The following GPS2 variants were observed in gnomAD, a reference collection of about 807,000 sequenced individuals.
GPS2 encodes G protein pathway suppressor 2.
Under a neutral mutation model 48.1 loss-of-function variants are expected in GPS2, and 22 were observed. That is an observed-to-expected ratio of 0.46 (90% CI 0.33 to 0.65). The LOEUF is 0.65. GPS2 is among the 30% of genes least tolerant of loss of function. GPS2 has a pLI of 0.03. For missense variants in GPS2, 366 were observed against 406.8 expected (o/e 0.90, Z 0.86); for synonymous variants, 202 against 142.5 (o/e 1.42, Z -2.98).
At chr17:7,314,843 C>A in intron 2 of GPS2, 116 bp downstream of exon 2, 1 of 1,347,388 alleles carries the variant, frequency 7.4e-7, no homozygotes, top group Non-Finnish European at 1.0e-6. Context: ...CGGGGCTATT[C>A]CTTCCCTCCT....
rs1567616129 is a variant in GPS2, at chr17:7,314,278, A to T, written c.317+13T>A. 1 of 1,612,534 alleles carries T rather than the reference A, an allele frequency of 6.2e-7. No homozygotes were observed. Among genetic ancestry groups the T allele is most frequent in the Non-Finnish European group, 8.5e-7 (1 of 1,178,800 alleles). ...CTTGGCCCCCATTTCAGTTTTTAGCACTCTGATCCCACCTCTGTTCCTTTC... is the reference window on the plus strand; with the variant it reads ...CTTGGCCCCCATTTCAGTTTTTAGCTCTCTGATCCCACCTCTGTTCCTTTC... On this transcript the variant is annotated intron_variant, in intron 4 of 10. Transcript: ENST00000380728.
At position 7,313,343 on chromosome 17, in the gene GPS2, AC is replaced by A. The variant is rs757221166; in HGVS notation, c.724+36del. On this transcript the variant is annotated intron_variant, in intron 8 of 10. Transcript: ENST00000380728. ...ATGAGAATGAAACAGGGAGGGGAGG[AC>A]CTGAGAGCTAGAGCTCCTGCATGGG... 16 of 1,610,720 alleles carry A rather than the reference AC, an allele frequency of 9.9e-6. No individual in the cohort carries two copies. The South Asian group carries it at 1.6e-4, about 17-fold the overall frequency.
chr17:7,314,802 C>T, intron 2 of GPS2, 157 bp downstream of exon 2: 1 of 1,271,154 alleles, frequency 7.9e-7, no homozygotes, highest in Non-Finnish European at 1.1e-6. Flanking sequence ...GGTTCTGGAG[C>T]GTGGAACAGG....
chr17:7,314,070 T>C lies in GPS2; in HGVS notation c.397+10A>G. ...GGCCGGTTCCATCTGGTGGTTTCTT[T>C]AGTCCTCACCCTGCATGCTGAGGAG... is the stretch of plus-strand genomic sequence containing the variant. On this transcript the variant is annotated intron_variant, in intron 5 of 10. Coordinates refer to ENST00000380728, the MANE Select transcript of GPS2 (RefSeq NM_004489.5). The C allele has an allele frequency of 1.2e-6, 2 of 1,612,962 alleles. No homozygotes were observed. The highest frequency in any genetic ancestry group is 8.5e-7 in the Non-Finnish European group (1 of 1,178,904).
At chr17:7,314,704 T>G (rs2072914558) in intron 2 of GPS2, 107 bp from the exon 3 acceptor site, 15 of 1,580,510 alleles carry the variant, frequency 9.5e-6, no homozygotes, top group Non-Finnish European at 1.2e-5. Flanking sequence ...CTGTATGCTC[T>G]TTGCCTCGAG....
intron 2 of GPS2, 146 bp from the exon 3 acceptor site, chr17:7,314,743 G>A (rs573369059): frequency 7.3e-4 from 1,076 of 1,480,118 alleles, no homozygotes; most frequent in Non-Finnish European, 9.5e-4. Flanking sequence ...CGGCAATAGG[G>A]AACGGAAAGG....
At position 7,312,847 on chromosome 17, in the gene GPS2, T is replaced by C. The variant is rs889069453; in HGVS notation, c.901-8A>G. ...GGTAGCTGCAAAGCCCGACTGGTGG[T>C]GGTGATGAAAAGAGGGCTTTGTCAC... On this transcript the variant is annotated splice_polypyrimidine_tract_variant and splice_region_variant and intron_variant, in intron 10 of 10. Coordinates refer to ENST00000380728, the MANE Select transcript of GPS2 (RefSeq NM_004489.5). The C allele has an allele frequency of 3.1e-6, 5 of 1,612,858 alleles. No homozygotes were observed. The African/African-American group carries it at 6.7e-5, about 22-fold the overall frequency.
At chr17:7,314,690 A>G in intron 2 of GPS2, 93 bp from the exon 3 acceptor site, 1 of 1,596,678 alleles carries the variant, frequency 6.3e-7, no homozygotes, top group Non-Finnish European at 8.5e-7. Flanking sequence ...TCATCCCAAC[A>G]CGCCTGTATG....
rs1343129981 is a variant in GPS2 at position 7,314,146 on chromosome 17, G to A, written c.331C>T (p.Leu111=). Residue 111 remains leucine, a synonymous_variant, in exon 5 of 11, where the codon CTA becomes TTA. Coordinates refer to ENST00000380728, the MANE Select transcript of GPS2 (RefSeq NM_004489.5). ...CTCTGCTGGTATGCAGCTGATGTTA[G>A]GGTGGTCAGGTCACTGGAGTGAAAG... ...RRKEQSDLTT[L]TSAAYQQSLT... is the part of the protein sequence containing the mutation. 20 of 1,613,574 alleles carry A rather than the reference G, an allele frequency of 1.2e-5. No homozygotes were observed. The highest frequency in any genetic ancestry group is 1.6e-5 in the Non-Finnish European group (19 of 1,179,730).
At position 7,314,601 on chromosome 17, in the gene GPS2, G is replaced by A. The variant is rs143526087; in HGVS notation, c.95-4C>T. ...ATCTTATCCACCTCTTCTTCCTCTG[G>A]AGAATCAGGCAGAATGAAGAAGAGG... On this transcript the variant is annotated splice_polypyrimidine_tract_variant and splice_region_variant and intron_variant, in intron 2 of 10. Transcript: ENST00000380728. 3,023 of 1,613,864 alleles carry A rather than the reference G, an allele frequency of 1.9e-3. 36 individuals are homozygous for A. The African/African-American group carries it at 0.029, about 16-fold the overall frequency.
chr17:7,314,089 T>C lies in GPS2; in HGVS notation c.388A>G (p.Ser130Gly), dbSNP rs1004560484. 2 of 1,613,972 alleles carry C rather than the reference T, an allele frequency of 1.2e-6. No homozygotes were observed. Among genetic ancestry groups the C allele is most frequent in the South Asian group, 2.2e-5 (2 of 91,064 alleles). Residue 130 changes from serine (S) to glycine (G), a missense_variant, in exon 5 of 11, where the codon AGC becomes GGC. Ser to Gly is a moderately conservative substitution (Grantham distance 56). Around this residue, in one of 3 missense-constraint regions of GPS2, gnomAD observed 275 missense variants for 282.3 expected, o/e 0.97. Transcript: ENST00000380728. ...TTTCTTTAGTCCTCACCCTGCATGCTGAGGAGATGAGTTCCTGTGTGAACA... is the reference window on the plus strand; with the variant it reads ...TTTCTTTAGTCCTCACCCTGCATGCCGAGGAGATGAGTTCCTGTGTGAACA... Reference protein sequence around the residue: ...LTVHTGTHLLSMQGSPGGHNR... With the variant: ...LTVHTGTHLLGMQGSPGGHNR...
At chr17:7,315,158 C>A in intron 1 of GPS2, 39 bp from the exon 2 acceptor site, 1 of 757,628 alleles carries the variant, frequency 1.3e-6, no homozygotes, top group East Asian at 3.5e-5. Context: ...CCGCGCCCGG[C>A]CCAGGCGGAA....
At chr17:7,313,162 GCTCCC>G (rs759663710) in intron 9 of GPS2, 38 bp from the exon 10 acceptor site, 1 of 1,607,298 alleles carries the variant, frequency 6.2e-7, no homozygotes, top group Non-Finnish European at 8.5e-7. Flanking sequence ...GCATACTGAA[GCTCCC>G]CTTAACATAT....
rs751162059 is a variant in GPS2, at chr17:7,312,832, A to C, written c.908T>G (p.Phe303Cys). The change falls in exon 11 of 11, where the codon TTT becomes TGT. Residue 303 changes from phenylalanine to cysteine, a missense_variant. By Grantham distance (205) the Phe-to-Cys change is radical. Around this residue, in one of 3 missense-constraint regions of GPS2, gnomAD observed 275 missense variants for 282.3 expected, o/e 0.97. Coordinates refer to ENST00000380728, the MANE Select transcript of GPS2 (RefSeq NM_004489.5). ...AGGGCCAGGTTGGCTGGTAGCTGCA[A>C]AGCCCGACTGGTGGTGGTGATGAAA... The part of the protein sequence containing the change: ...VQMQPAGKSG[F>C]AATSQPGPRL... 2 of 1,613,850 alleles carry C rather than the reference A, an allele frequency of 1.2e-6. No individual in the cohort carries two copies. Among genetic ancestry groups the C allele is most frequent in the South Asian group, 1.1e-5 (1 of 91,084 alleles).
At chr17:7,314,889 G>A in intron 2 of GPS2, 70 bp downstream of exon 2, 1 of 1,510,698 alleles carries the variant, frequency 6.6e-7, no homozygotes, top group Non-Finnish European at 9.0e-7. Context: ...TTGGCCGGTG[G>A]GTTGAGGCCA....
chr17:7,315,126 G>A lies in GPS2; in HGVS notation c.-67-7C>T, dbSNP rs1169118840. ...GCCAGACCTCAGACGGGGCCTGCGG[G>A]GAGGCGGGCGCTCAGAGGGGGCCGC... On this transcript the variant is annotated splice_polypyrimidine_tract_variant and splice_region_variant and intron_variant, in intron 1 of 10. Coordinates refer to ENST00000380728, the MANE Select transcript of GPS2 (RefSeq NM_004489.5). 3 of 1,217,028 alleles carry A rather than the reference G, an allele frequency of 2.5e-6. No homozygotes were observed. The highest frequency in any genetic ancestry group is 3.3e-6 in the Non-Finnish European group (3 of 910,014). The allele number at this position is 1,217,028 out of a possible 1,614,324, so 75.4% of individuals were successfully genotyped here.
intron 2 of GPS2, 72 bp from the exon 3 acceptor site, chr17:7,314,669 G>A: frequency 1.9e-6 from 3 of 1,605,900 alleles, no homozygotes; most frequent in South Asian, 1.1e-5. Context: ...TTGAAGACCA[G>A]CAAAACCCAG....
intron 10 of GPS2, 41 bp downstream of exon 10, chr17:7,312,988 G>T: frequency 6.8e-7 from 1 of 1,471,718 alleles, no homozygotes; most frequent in Non-Finnish European, 9.3e-7. Context: ...CGGATCCCTA[G>T]TGTAGGGATT....
intron 1 of GPS2, 59 bp downstream of exon 1, chr17:7,315,272 G>A (rs540842172): frequency 2.1e-5 from 7 of 332,552 alleles, no homozygotes; most frequent in African/African-American, 6.4e-5. Context: ...CGGCGCCGGG[G>A]TCCCCGGCTC....
Sources: allele counts gnomAD v4.1 joint callset, GRCh38; gene constraint gnomAD v4.1.1; regional missense constraint gnomAD v4.1.1; transcripts MANE v1.5; gene names NCBI Gene and HGNC (gene_info 2026-07-23, HGNC 2026-07-21).